The following GPHN variants were observed in gnomAD, a reference collection of about 807,000 sequenced individuals.
GPHN encodes gephyrin.
GPHN carries 17 observed loss-of-function variants against 95.5 expected under a neutral mutation model. The ratio of observed to expected loss-of-function variants is 0.18; its 90% CI spans 0.12 to 0.27. The LOEUF (loss-of-function observed/expected upper bound fraction) is 0.27, where lower values mean the gene tolerates loss of function less well. GPHN is among the 10% of genes least tolerant of loss of function. The pLI is 1.00. For missense variants in GPHN, 660 were observed against 978.1 expected (o/e 0.67, Z 4.34); for synonymous variants, 320 against 322.5 (o/e 0.99, Z 0.08).
At chr14:67,179,699 T>G in intron 22 of GPHN, 25 bp downstream of exon 22, 2 of 1,114,358 alleles carry the variant, frequency 1.8e-6, no homozygotes, top group Non-Finnish European at 1.4e-6. Flanking sequence ...TCTACAGATA[T>G]TCCTAGACAC....
chr14:67,508,319 A>G, the GPHN span, among the ~76,000 whole-genome samples: 9,797 of 152,130 alleles, frequency 0.064, 457 homozygotes, highest in Non-Finnish European at 0.1. Flanking sequence ...AAAAGGCTGG[A>G]ACCTCAGCCT....
chr14:67,153,436 G>A (rs372605439), intron 18 of GPHN, among the ~76,000 whole-genome samples: 1 of 152,300 alleles, frequency 6.6e-6, no homozygotes, highest in South Asian at 2.1e-4. Flanking sequence ...CCCTCACATG[G>A]CAGAAAGAGA....
chr14:66,983,956 G>A (rs2070856005), intron 9 of GPHN, among the ~76,000 whole-genome samples: 1 of 152,128 alleles, frequency 6.6e-6, no homozygotes, highest in Non-Finnish European at 1.5e-5. Flanking sequence ...ATTAGGGACT[G>A]TTGATTTCGT....
chr14:67,347,777 G>C, the GPHN span, among the ~76,000 whole-genome samples: 1 of 152,082 alleles, frequency 6.6e-6, no homozygotes, highest in Non-Finnish European at 1.5e-5. Context: ...TGGGATTACA[G>C]GTATGAGCCA....
chr14:67,646,915 TCA>T, the GPHN span: 4 of 1,562,444 alleles, frequency 2.6e-6, no homozygotes, highest in Admixed American at 5.0e-5. Flanking sequence ...TTATATCTCA[TCA>T]CAGTTTTATT....
At chr14:67,207,824 C>A in the GPHN span, among the ~76,000 whole-genome samples, 37 of 152,168 alleles carry the variant, frequency 2.4e-4, no homozygotes, top group Non-Finnish European at 4.6e-4. Context: ...GCCCCTGTAA[C>A]CTATCAGATG....
intron 1 of GPHN, among the ~76,000 whole-genome samples, chr14:66,649,291 G>A (rs943002374): frequency 2.6e-5 from 4 of 151,744 alleles, no homozygotes; most frequent in Admixed American, 6.6e-5. Flanking sequence ...CCAAGATCAC[G>A]CCACTGCACT....
intron 2 of GPHN, among the ~76,000 whole-genome samples, chr14:66,766,366 C>A (rs1366191503): frequency 6.6e-6 from 1 of 151,860 alleles, no homozygotes; most frequent in African/African-American, 2.4e-5. Flanking sequence ...TTAGTTGGAA[C>A]CCTAGAAGGA....
intron 11 of GPHN, among the ~76,000 whole-genome samples, chr14:67,072,777 C>G (rs2153658307): frequency 7.1e-6 from 1 of 140,402 alleles, no homozygotes; most frequent in East Asian, 2.1e-4. Context: ...TCCCAGTCTC[C>G]TTGGTTAACT....
chr14:66,649,332 T>G (rs2064923643), intron 1 of GPHN, among the ~76,000 whole-genome samples: 12 of 151,014 alleles, frequency 7.9e-5, no homozygotes, highest in Admixed American at 7.2e-4. Flanking sequence ...AGACTCCATC[T>G]CTTAAAAAAA....
intron 4 of GPHN, among the ~76,000 whole-genome samples, chr14:66,855,108 A>G (rs2062745187): frequency 6.6e-6 from 1 of 152,136 alleles, no homozygotes; most frequent in Non-Finnish European, 1.5e-5. Context: ...CAGCCTCCCT[A>G]AGTGTTGGGA....
At chr14:67,586,917 C>A in the GPHN span, 1 of 1,538,816 alleles carries the variant, frequency 6.5e-7, no homozygotes. Flanking sequence ...CTGAACAGCA[C>A]AGTTATGATT....
chr14:67,343,316 C>T, the GPHN span: 244,546 of 1,357,556 alleles, frequency 0.18, 36,401 homozygotes, highest in African/African-American at 0.65. Context: ...AGCAGTTTCA[C>T]GACAAGTGGA....
At chr14:66,569,153 A>G (rs2060574916) in intron 1 of GPHN, among the ~76,000 whole-genome samples, 1 of 152,220 alleles carries the variant, frequency 6.6e-6, no homozygotes, top group Admixed American at 6.5e-5. Flanking sequence ...TGATGAAAGA[A>G]CTATTCTCCC....
At chr14:67,127,983 A>G (rs536075223) in intron 17 of GPHN, among the ~76,000 whole-genome samples, 13 of 152,216 alleles carry the variant, frequency 8.5e-5, no homozygotes, top group Non-Finnish European at 1.6e-4. Flanking sequence ...ACAATTTTAT[A>G]TTCCTGTGTA....
chr14:67,181,653 A>G lies in GPHN; in HGVS notation c.*716A>G, dbSNP rs2083323692. The G allele has an allele frequency of 3.2e-6, 1 of 308,970 alleles. No homozygotes were observed. The highest frequency in any genetic ancestry group is 3.4e-5 in the South Asian group (1 of 29,700). 19.1% of individuals were successfully genotyped at this position (308,970 alleles called of 1,614,324 possible). Reference sequence around the variant, plus strand: ...ACAGAACAAAAAAATAAAATCAAAGACTGATCTTGTACAGATATTAGTGTT... The same window carrying G: ...ACAGAACAAAAAAATAAAATCAAAGGCTGATCTTGTACAGATATTAGTGTT... On this transcript the variant is annotated 3_prime_UTR_variant, in exon 23 of 23. Transcript: ENST00000478722.
chr14:67,224,259 C>CT, the GPHN span, among the ~76,000 whole-genome samples: 827 of 134,784 alleles, frequency 6.1e-3, 5 homozygotes, highest in African/African-American at 7.6e-3. Context: ...TCTCTCTTTT[C>CT]TTTTTTTTTT....
At chr14:66,995,947 G>A (rs552334931) in intron 9 of GPHN, among the ~76,000 whole-genome samples, 1 of 149,078 alleles carries the variant, frequency 6.7e-6, no homozygotes, top group South Asian at 2.1e-4. Context: ...TCTGAACAGA[G>A]GGAGTCATCT....
At chr14:66,592,696 G>A (rs879163156) in intron 1 of GPHN, among the ~76,000 whole-genome samples, 4 of 152,200 alleles carry the variant, frequency 2.6e-5, no homozygotes, top group Admixed American at 2.6e-4. Context: ...CTTTTACACT[G>A]TTGGTCAGAG....
Sources: gnomAD v4.1 joint callset for allele counts (sites outside exome capture counted in the v4.1 genomes callset) on GRCh38, gnomAD v4.1.1 for gene constraint, MANE v1.5 for transcripts, NCBI Gene and HGNC (gene_info 2026-07-23, HGNC 2026-07-21) for gene names.